TTLL11: variants seen among roughly 807,000 people sequenced by gnomAD.
TTLL11 encodes the protein tubulin polyglutamylase TTLL11.
A neutral mutation model predicts 51.7 loss-of-function variants in TTLL11; 42 were observed. The ratio of observed to expected loss-of-function variants is 0.81; its 90% confidence interval spans 0.64 to 1.05. TTLL11 has a LOEUF of 1.05. Ranked by LOEUF, TTLL11 falls within the 50% of genes least tolerant of loss-of-function variation. The pLI is 0.00. For missense variants in TTLL11, 799 were observed against 940.4 expected (o/e 0.85, Z 1.97); for synonymous variants, 381 against 383.5 (o/e 0.99, Z 0.08).
At chr9:121,871,077 C>G (rs1172648532) in intron 6 of TTLL11, among the ~76,000 whole-genome samples, 1 of 152,182 alleles carries the variant, frequency 6.6e-6, no homozygotes, top group Non-Finnish European at 1.5e-5. Flanking sequence ...CAAACTCTTA[C>G]TTATGGGTAG....
intron 3 of TTLL11, among the ~76,000 whole-genome samples, chr9:121,994,967 T>C (rs1843210596): frequency 6.6e-6 from 1 of 151,654 alleles, no homozygotes; most frequent in Admixed American, 6.6e-5. Flanking sequence ...TAAAGGATAA[T>C]CCCCCTATGT....
chr9:122,033,367 C>A (rs1825014031), intron 2 of TTLL11, among the ~76,000 whole-genome samples: 1 of 152,186 alleles, frequency 6.6e-6, no homozygotes, highest in Non-Finnish European at 1.5e-5. Context: ...CCCCCCTCGG[C>A]CTCCCAAAGT....
At position 122,091,624 on chromosome 9, in the gene TTLL11, C is replaced by A. The variant is rs574248072; in HGVS notation, c.462+1063G>T. ...TCTGTATGTTCCAACTTAATGAAAC[C>A]ATTACCGAGCATCTACCATAGCCAA... is the stretch of plus-strand genomic sequence containing the variant. On this transcript the variant is annotated intron_variant, in intron 1 of 8. Coordinates refer to ENST00000321582, the MANE Select transcript of TTLL11 (RefSeq NM_001139442.2). 2.8e-4 allele frequency among the ~76,000 whole-genome samples: 42 copies of A among 152,294 alleles called. 1 individual carries two copies. The highest frequency in any genetic ancestry group is 1.0e-3 in the African/African-American group (42 of 41,542).
chr9:121,866,145 G>A, intron 7 of TTLL11, among the ~76,000 whole-genome samples: 1 of 152,138 alleles, frequency 6.6e-6, no homozygotes, highest in East Asian at 1.9e-4. Context: ...CTCCTGAGAA[G>A]GGCACTTGGT....
chr9:121,936,423 T>A (rs1160501460), intron 6 of TTLL11, among the ~76,000 whole-genome samples: 2 of 152,058 alleles, frequency 1.3e-5, no homozygotes, highest in African/African-American at 4.8e-5. Context: ...AGCCACTGTA[T>A]CAAGCCAGTT....
intron 8 of TTLL11, among the ~76,000 whole-genome samples, chr9:121,850,337 G>C (rs934522227): frequency 2.0e-5 from 3 of 152,118 alleles, no homozygotes; most frequent in African/African-American, 7.2e-5. Flanking sequence ...GTGTGGCTCA[G>C]TCCAAGTCTG....
At chr9:121,880,952 C>T (rs1221127583) in intron 6 of TTLL11, among the ~76,000 whole-genome samples, 1 of 152,242 alleles carries the variant, frequency 6.6e-6, no homozygotes, top group Admixed American at 6.5e-5. Context: ...TGTATTTCTA[C>T]ACCCCTCTAC....
intron 8 of TTLL11, among the ~76,000 whole-genome samples, chr9:121,824,466 G>A (rs1312951453): frequency 3.2e-5 from 4 of 125,058 alleles, no homozygotes; most frequent in African/African-American, 6.2e-5. Context: ...CAGACAGAGC[G>A]AGACTCCATC....
chr9:121,941,743 C>A (rs910150954), intron 6 of TTLL11, among the ~76,000 whole-genome samples: 2 of 152,168 alleles, frequency 1.3e-5, no homozygotes, highest in Admixed American at 1.3e-4. Context: ...CCTGACCCTG[C>A]TCATCTTCGG....
intron 6 of TTLL11, among the ~76,000 whole-genome samples, chr9:121,934,371 T>C (rs1468071680): frequency 6.6e-6 from 1 of 152,210 alleles, no homozygotes; most frequent in Non-Finnish European, 1.5e-5. Context: ...CTTCCGAATG[T>C]TGTGCATTTC....
intron 3 of TTLL11, among the ~76,000 whole-genome samples, chr9:122,031,189 T>G (rs1769215915): frequency 6.6e-6 from 1 of 152,194 alleles, no homozygotes; most frequent in African/African-American, 2.4e-5. Context: ...TGGTGAGGGC[T>G]CCAGTGTATT....
At chr9:122,017,846 T>A (rs1461923930) in intron 3 of TTLL11, among the ~76,000 whole-genome samples, 1 of 151,960 alleles carries the variant, frequency 6.6e-6, no homozygotes, top group Non-Finnish European at 1.5e-5. Context: ...TGGGAGAAAA[T>A]GAAGGCTAAA....
intron 1 of TTLL11, among the ~76,000 whole-genome samples, chr9:122,072,797 C>T (rs1325008454): frequency 6.6e-6 from 1 of 152,156 alleles, no homozygotes; most frequent in Non-Finnish European, 1.5e-5. Flanking sequence ...ACCCCTCTGA[C>T]CCTTAACCTA....
At chr9:121,882,175 A>G (rs944236723) in intron 6 of TTLL11, among the ~76,000 whole-genome samples, 1 of 152,164 alleles carries the variant, frequency 6.6e-6, no homozygotes, top group African/African-American at 2.4e-5. Flanking sequence ...CGTGCCTCCT[A>G]AACAGTATCA....
At chr9:122,092,142 A>AT (rs1180091926) in intron 1 of TTLL11, among the ~76,000 whole-genome samples, 10 of 150,844 alleles carry the variant, frequency 6.6e-5, no homozygotes, top group Admixed American at 4.6e-4. Flanking sequence ...AGATGATGAG[A>AT]TAAGTATAAT....
intron 6 of TTLL11, among the ~76,000 whole-genome samples, chr9:121,892,169 GATATATATATACACACAC>G: frequency 7.0e-6 from 1 of 142,150 alleles, no homozygotes; most frequent in Non-Finnish European, 1.5e-5. Flanking sequence ...TATATACACA[GATATATATATACACACAC>G]ATATATATAC....
chr9:121,872,601 T>C (rs1838394757), intron 6 of TTLL11, among the ~76,000 whole-genome samples: 1 of 152,208 alleles, frequency 6.6e-6, no homozygotes, highest in African/African-American at 2.4e-5. Context: ...GATAGCCCTG[T>C]ACGAACGGTC....
chr9:121,918,555 CT>C (rs1303998964), intron 6 of TTLL11, among the ~76,000 whole-genome samples: 1 of 152,164 alleles, frequency 6.6e-6, no homozygotes, highest in Non-Finnish European at 1.5e-5. Flanking sequence ...GGGGAGGGAT[CT>C]GGCTCCAGGG....
intron 6 of TTLL11, among the ~76,000 whole-genome samples, chr9:121,954,362 A>T (rs918544509): frequency 1.2e-4 from 19 of 152,100 alleles, no homozygotes; most frequent in African/African-American, 4.1e-4. Context: ...GACAAGCCCC[A>T]CTCTGTCCCC....
Sources: allele counts gnomAD v4.1 joint callset (sites outside exome capture counted in the v4.1 genomes callset), GRCh38; gene constraint gnomAD v4.1.1; transcripts MANE v1.5; gene names NCBI Gene and HGNC (gene_info 2026-07-23, HGNC 2026-07-21).